The following NTAQ1 variants were observed in gnomAD, a reference collection of about 807,000 sequenced individuals.
NTAQ1 encodes the protein protein N-terminal glutamine amidohydrolase.
A neutral mutation model predicts 28.2 loss-of-function variants in NTAQ1; 21 were observed. That is an observed-to-expected ratio of 0.74 (90% CI 0.53 to 1.07). The LOEUF (loss-of-function observed/expected upper bound fraction) is 1.07, where lower values mean the gene tolerates loss of function less well. Ranked by LOEUF, NTAQ1 falls within the 50% of genes least tolerant of loss-of-function variation. The probability of loss-of-function intolerance (pLI) is 0.00; values close to 1 mark genes in which losing one functional copy is unlikely to be tolerated. For missense variants in NTAQ1, 264 were observed against 256.6 expected (o/e 1.03, Z -0.20); for synonymous variants, 105 against 90.0 (o/e 1.17, Z -0.94).
chr8:123,468,725 A>G (rs552727966), exon 7 of NTAQ1, among the ~76,000 whole-genome samples: 24 of 152,300 alleles, frequency 1.6e-4, no homozygotes, highest in African/African-American at 5.3e-4. Context: ...TATATCAAGG[A>G]ATGGGATTGC....
intron 1 of NTAQ1, among the ~76,000 whole-genome samples, chr8:123,427,092 C>G (rs571860859): frequency 6.6e-6 from 1 of 152,262 alleles, no homozygotes; most frequent in South Asian, 2.1e-4. Flanking sequence ...TCTTTCCAGC[C>G]AGGAGGCTTT....
chr8:123,428,307 C>T lies in NTAQ1; in HGVS notation c.183+284C>T, dbSNP rs143803626. 6.7e-3 allele frequency among the ~76,000 whole-genome samples: 1,012 copies of T among 152,034 alleles called. 14 individuals are homozygous for T. Among genetic ancestry groups the T allele is most frequent in the African/African-American group, 0.023 (943 of 41,462 alleles). On this transcript the variant is annotated intron_variant, in intron 2 of 5. Transcript: ENST00000287387. ...CACCTCCCGGGTTCAAGCGATTCTC[C>T]TGCCTCAGCCTCCCAAGTAGCTGAG...
At chr8:123,473,552 A>G (rs536690590), downstream of NTAQ1, among the ~76,000 whole-genome samples, 35 of 152,250 alleles carry the variant, frequency 2.3e-4, no homozygotes, top group African/African-American at 7.9e-4. Flanking sequence ...TGGCTTCCCA[A>G]CGTGCTGGGA....
intron 1 of NTAQ1, among the ~76,000 whole-genome samples, chr8:123,420,277 T>A (rs1813598601): frequency 6.6e-6 from 1 of 152,238 alleles, no homozygotes; most frequent in Non-Finnish European, 1.5e-5. Flanking sequence ...TAGTATTCCA[T>A]GGTGGATGAT....
downstream of NTAQ1, among the ~76,000 whole-genome samples, chr8:123,471,102 T>G (rs887665568): frequency 1.1e-4 from 17 of 151,880 alleles, no homozygotes; most frequent in African/African-American, 4.1e-4. Flanking sequence ...AAAAAGATTT[T>G]TTTTTTTTGG....
intron 6 of NTAQ1, among the ~76,000 whole-genome samples, chr8:123,462,585 T>C (rs1386798023): frequency 6.6e-6 from 1 of 152,232 alleles, no homozygotes; most frequent in African/African-American, 2.4e-5. Context: ...AGCCCCATGC[T>C]AAGTCTTGGT....
At chr8:123,430,746 A>G (rs1222883675) in intron 3 of NTAQ1, among the ~76,000 whole-genome samples, 2 of 152,126 alleles carry the variant, frequency 1.3e-5, no homozygotes, top group African/African-American at 2.4e-5. Context: ...GCTTCACTGT[A>G]CTCCAGCTTG....
chr8:123,446,638 C>T (rs1168473321), downstream of NTAQ1, among the ~76,000 whole-genome samples: 1 of 152,146 alleles, frequency 6.6e-6, no homozygotes, highest in African/African-American at 2.4e-5. Context: ...ATCCAATTCG[C>T]GCAAGACGAG....
intron 3 of NTAQ1, among the ~76,000 whole-genome samples, chr8:123,433,872 C>T (rs1200810846): frequency 6.6e-6 from 1 of 152,076 alleles, no homozygotes; most frequent in Non-Finnish European, 1.5e-5. Context: ...GCTTTAAATG[C>T]AGCCCAACAC....
intron 3 of NTAQ1, among the ~76,000 whole-genome samples, chr8:123,431,855 G>A (rs1814417404): frequency 6.6e-6 from 1 of 152,246 alleles, no homozygotes; most frequent in Admixed American, 6.5e-5. Flanking sequence ...ACTGTTAGCA[G>A]TGATACCTAA....
rs143782536 is a variant in NTAQ1, at chr8:123,454,357, TTTTTG to T, written c.373-12702_373-12698del. On this transcript the variant is annotated intron_variant, in intron 6 of 6. Transcript: ENST00000650311. ...TGATAATAAATGGATGCAATTTTGT[TTTTTG>T]TTTTGTTTTGTTTTGTTTTTTTTGA... Among the ~76,000 whole-genome samples, 101 of 151,026 alleles carry T rather than the reference TTTTTG, an allele frequency of 6.7e-4. 1 individual carries two copies. Among genetic ancestry groups the T allele is most frequent in the East Asian group, 7.9e-4 (4 of 5,090 alleles).
chr8:123,428,257 G>A (rs1250961684), intron 2 of NTAQ1, among the ~76,000 whole-genome samples: 3 of 152,074 alleles, frequency 2.0e-5, no homozygotes, highest in Non-Finnish European at 4.4e-5. Context: ...GTGCAGTGGC[G>A]TGATTCTTGG....
At chr8:123,444,911 G>A (rs989871184), downstream of NTAQ1, among the ~76,000 whole-genome samples, 3 of 152,136 alleles carry the variant, frequency 2.0e-5, no homozygotes, top group Non-Finnish European at 2.9e-5. Context: ...AATATAAAAT[G>A]GTTCCCAGCT....
chr8:123,468,071 A>G (rs1034380263), exon 7 of NTAQ1, among the ~76,000 whole-genome samples: 20 of 152,310 alleles, frequency 1.3e-4, no homozygotes, highest in African/African-American at 4.8e-4. Flanking sequence ...AGGCCAGATC[A>G]AGGAGATGCC....
intron 1 of NTAQ1, among the ~76,000 whole-genome samples, chr8:123,418,757 T>G (rs1813472485): frequency 6.6e-6 from 1 of 152,154 alleles, no homozygotes; most frequent in South Asian, 2.1e-4. Context: ...GTTAGAGCAG[T>G]CTTGTAGAAG....
chr8:123,419,754 C>CCCTCCCTCCCTCCCTT (rs1310871452), intron 1 of NTAQ1, among the ~76,000 whole-genome samples: 1 of 83,712 alleles, frequency 1.2e-5, no homozygotes, highest in Non-Finnish European at 2.4e-5. Context: ...CTCCCTCCCT[C>CCCTCCCTCCCTCCCTT]CCTTCCTTCC....
intron 6 of NTAQ1, among the ~76,000 whole-genome samples, chr8:123,458,867 G>A (rs1426901157): frequency 1.3e-5 from 2 of 151,952 alleles, no homozygotes; most frequent in Non-Finnish European, 2.9e-5. Context: ...TGATCCACCC[G>A]CCTCGGCCTC....
intron 1 of NTAQ1, among the ~76,000 whole-genome samples, chr8:123,423,599 T>C (rs1446677541): frequency 1.3e-5 from 2 of 152,088 alleles, no homozygotes; most frequent in Non-Finnish European, 1.5e-5. Context: ...CAGCTGTGAC[T>C]CCTTGTATTT....
intron 3 of NTAQ1, among the ~76,000 whole-genome samples, chr8:123,433,228 C>T (rs894664768): frequency 6.6e-6 from 1 of 152,206 alleles, no homozygotes; most frequent in Non-Finnish European, 1.5e-5. Context: ...TTTTCCTTTG[C>T]AGTCCCTCAG....
Sources: allele counts gnomAD v4.1 joint callset (sites outside exome capture counted in the v4.1 genomes callset), GRCh38; gene constraint gnomAD v4.1.1; transcripts MANE v1.5; gene names NCBI Gene and HGNC (gene_info 2026-07-23, HGNC 2026-07-21).